PPFIBP2: variants seen among roughly 807,000 people sequenced by gnomAD.
PPFIBP2 encodes the protein PPFIB scaffold protein 2, also known as liprin-beta-2.
A neutral mutation model predicts 118.3 loss-of-function variants in PPFIBP2; 118 were observed. The ratio of observed to expected loss-of-function variants is 1.00; its 90% CI spans 0.86 to 1.16. PPFIBP2 has a LOEUF of 1.16. Ranked by LOEUF, PPFIBP2 falls within the 50% of genes most tolerant of loss-of-function variation. The pLI, the probability that PPFIBP2 is intolerant of heterozygous loss-of-function variation, is 0.00. For missense variants in PPFIBP2, 1,195 were observed against 1,073.1 expected, an observed-to-expected ratio of 1.11 and a Z score of -1.59; for synonymous variants, 414 against 397.4, an observed-to-expected ratio of 1.04 and a Z score of -0.50.
intron 6 of PPFIBP2, among the ~76,000 whole-genome samples, chr11:7,619,329 G>GA (rs1565069406): frequency 1.3e-5 from 2 of 152,216 alleles, no homozygotes; most frequent in Non-Finnish European, 2.9e-5. Flanking sequence ...TAACCTGGCA[G>GA]AAAATTCCAG....
intron 7 of PPFIBP2, among the ~76,000 whole-genome samples, chr11:7,621,893 T>C (rs1849401750): frequency 6.6e-6 from 1 of 152,252 alleles, no homozygotes; most frequent in African/African-American, 2.4e-5. Context: ...CTAATTATTA[T>C]AAAAACAATA....
At chr11:7,619,177 T>C (rs79318785) in intron 6 of PPFIBP2, among the ~76,000 whole-genome samples, 2,589 of 152,324 alleles carry the variant, frequency 0.017, 81 homozygotes, top group African/African-American at 0.059. Context: ...AGCTAGCTAT[T>C]AGCTGTCATA....
In PPFIBP2 at chr11:7,541,414, G is replaced by A. The variant is rs543497249; in HGVS notation, c.-36-8026G>A. On this transcript the variant is annotated intron_variant, in intron 1 of 23. Coordinates refer to ENST00000299492, the MANE Select transcript of PPFIBP2 (RefSeq NM_003621.5). ...GAGCAGATGAGATCACCAGTAGCGT[G>A]AGTTTGGAGAGAAGTGCTCTGGTCT... Among the ~76,000 whole-genome samples the A allele has an allele frequency of 4.9e-4, 75 of 152,316 alleles. 2 individuals carry two copies. In the South Asian group the frequency reaches 0.014, roughly 29 times the overall value.
At chr11:7,650,796 A>T in intron 21 of PPFIBP2, 44 bp from the exon 22 acceptor site, 5 of 1,602,708 alleles carry the variant, frequency 3.1e-6, no homozygotes, top group Non-Finnish European at 4.3e-6. Context: ...CCATGGTGGG[A>T]CCTATTAAGC....
At chr11:7,520,030 A>G (rs1265785421) in intron 1 of PPFIBP2, among the ~76,000 whole-genome samples, 1 of 152,106 alleles carries the variant, frequency 6.6e-6, no homozygotes, top group Non-Finnish European at 1.5e-5. Flanking sequence ...TCCACGGGGG[A>G]CACAGACCCG....
At chr11:7,532,909 C>T (rs1289573501) in intron 1 of PPFIBP2, among the ~76,000 whole-genome samples, 3 of 152,210 alleles carry the variant, frequency 2.0e-5, no homozygotes, top group Admixed American at 6.5e-5. Flanking sequence ...TGTTTACCTC[C>T]AGCCTGCCAA....
At chr11:7,519,834 G>A (rs528930345) in intron 1 of PPFIBP2, among the ~76,000 whole-genome samples, 1 of 152,166 alleles carries the variant, frequency 6.6e-6, no homozygotes, top group African/African-American at 2.4e-5. Flanking sequence ...TTGGACCAAC[G>A]TTGGATTTTC....
intron 3 of PPFIBP2, 57 bp downstream of exon 3, chr11:7,565,824 T>C (rs1337730149): frequency 1.3e-6 from 2 of 1,572,916 alleles, no homozygotes; most frequent in Admixed American, 1.7e-5. Context: ...GTGCAGCCCA[T>C]GGAGTGCCAC....
At chr11:7,554,820 G>GGACTGGACT (rs1853420564) in intron 2 of PPFIBP2, among the ~76,000 whole-genome samples, 1 of 119,860 alleles carries the variant, frequency 8.3e-6, no homozygotes, top group African/African-American at 3.6e-5. Flanking sequence ...AGACTAGATT[G>GGACTGGACT]GGTCTATACT....
intron 3 of PPFIBP2, among the ~76,000 whole-genome samples, chr11:7,588,864 G>A (rs1300864600): frequency 6.6e-6 from 1 of 152,210 alleles, no homozygotes; most frequent in Non-Finnish European, 1.5e-5. Context: ...ATATAGGAGA[G>A]GTAGTATGTT....
chr11:7,632,849 C>A lies in PPFIBP2; in HGVS notation c.1069-18C>A, dbSNP rs1206644692. 1.2e-6 allele frequency: 2 copies of A among 1,605,588 alleles called. No individual in the cohort carries two copies. The highest frequency in any genetic ancestry group is 2.2e-5 in the East Asian group (1 of 44,838). On this transcript the variant is annotated intron_variant, in intron 11 of 23. Coordinates refer to ENST00000299492, the MANE Select transcript of PPFIBP2 (RefSeq NM_003621.5). ...AAACAGACTGTCCTCTACCGTGACT[C>A]TTCTGTCTCTGGTGCAGATGCCTCC...
At chr11:7,526,248 A>T (rs375565556) in intron 1 of PPFIBP2, among the ~76,000 whole-genome samples, 1 of 152,206 alleles carries the variant, frequency 6.6e-6, no homozygotes, top group African/African-American at 2.4e-5. Flanking sequence ...TTGTGGATCA[A>T]CCAACTGGGG....
rs761245132 is a variant in PPFIBP2 at position 7,565,678 on chromosome 11, C to T, written c.190C>T (p.Leu64=). 6 of 1,614,206 alleles carry T rather than the reference C, an allele frequency of 3.7e-6. No individual in the cohort carries two copies. The highest frequency in any genetic ancestry group is 2.2e-5 in the South Asian group (2 of 91,082). ...IEDLRLALEM[L]ELPQERAALL... ...GGACTTGAGGCTGGCCTTGGAGATG[C>T]TGGAGCTTCCTCAGGAGAGAGCAGC... Residue 64 remains leucine, a synonymous_variant, in exon 3 of 24, where the codon CTG becomes TTG. Coordinates refer to ENST00000299492, the MANE Select transcript of PPFIBP2 (RefSeq NM_003621.5).
At chr11:7,641,875 A>G (rs1280901019) in intron 16 of PPFIBP2, 2 of 519,326 alleles carry the variant, frequency 3.9e-6, no homozygotes, top group African/African-American at 1.9e-5. Context: ...CACCCTGAAC[A>G]TAATCTCTGC....
intron 3 of PPFIBP2, among the ~76,000 whole-genome samples, chr11:7,567,882 G>A (rs1406305783): frequency 6.6e-6 from 1 of 152,170 alleles, no homozygotes; most frequent in Non-Finnish European, 1.5e-5. Context: ...CCATCTCCAG[G>A]TGACTCGTAA....
chr11:7,626,551 A>G (rs1850037435), intron 8 of PPFIBP2, among the ~76,000 whole-genome samples: 1 of 152,240 alleles, frequency 6.6e-6, no homozygotes. Context: ...CATATCTACA[A>G]AGCCCAGCAC....
chr11:7,624,816 T>C (rs986856052), intron 7 of PPFIBP2, among the ~76,000 whole-genome samples: 1 of 152,242 alleles, frequency 6.6e-6, no homozygotes, highest in African/African-American at 2.4e-5. Context: ...TGCAGTCCCA[T>C]GAAGTAGGTG....
At position 7,651,660 on chromosome 11, in the gene PPFIBP2, T is replaced by C; in HGVS notation, c.2252T>C (p.Leu751Pro). 3 of 1,603,576 alleles carry C rather than the reference T, an allele frequency of 1.9e-6. No individual in the cohort carries two copies. Among genetic ancestry groups the C allele is most frequent in the Non-Finnish European group, 2.6e-6 (3 of 1,172,010 alleles). ...GSGVHGGLII[L>P]EPRFTGDTLA... ...TTGTCTCTGGTTCCTTCTTAGATCCTGGAGCCACGCTTCACTGGGGACACC... is the reference window on the plus strand; with the variant it reads ...TTGTCTCTGGTTCCTTCTTAGATCCCGGAGCCACGCTTCACTGGGGACACC... The change falls in exon 23 of 24, where the codon CTG (leucine) becomes CCG (proline). Residue 751 changes from leucine to proline, a missense_variant. Leu to Pro is a moderately conservative substitution (Grantham distance 98). Transcript: ENST00000299492.
chr11:7,623,868 A>G (rs940995686), intron 7 of PPFIBP2, among the ~76,000 whole-genome samples: 5 of 152,216 alleles, frequency 3.3e-5, no homozygotes, highest in African/African-American at 1.2e-4. Flanking sequence ...TTCAGAAGCC[A>G]TTGTCACCAT....
Sources: gnomAD v4.1 joint callset for allele counts (sites outside exome capture counted in the v4.1 genomes callset) on GRCh38, gnomAD v4.1.1 for gene constraint, MANE v1.5 for transcripts, NCBI Gene and HGNC (gene_info 2026-07-23, HGNC 2026-07-21) for gene names.